SPACA6: variants seen among roughly 807,000 people sequenced by gnomAD.
The protein encoded by SPACA6 is sperm acrosome associated 6.
For synonymous variants in SPACA6, 6 were observed against 1.5 expected (o/e 4.05, Z -2.21); for missense variants, 8 against 2.8 (o/e 2.88, Z -1.34).
Position 51,705,045 on chromosome 19 carries a change from G to A in SPACA6, c.942-45G>A, listed in dbSNP as rs2083507851. 15 of 400,282 alleles carry A rather than the reference G, an allele frequency of 3.7e-5. No individual in the cohort carries two copies. The East Asian group carries it at 5.3e-4, about 14-fold the overall frequency. 24.8% of individuals were successfully genotyped at this position (400,282 alleles called of 1,614,324 possible). On this transcript the variant is annotated intron_variant, in intron 8 of 8. Coordinates refer to ENST00000637797, the MANE Select transcript of SPACA6 (RefSeq NM_001316972.2). ...CCAGGCTCCGGGACCTAAGTTTCTA[G>A]TCACCAACCCCTCCTGTAACACACA...
chr19:51,695,772 G>A (rs1031576338), intron 2 of SPACA6, among the ~76,000 whole-genome samples: 4 of 152,248 alleles, frequency 2.6e-5, no homozygotes, highest in Non-Finnish European at 5.9e-5. Flanking sequence ...AACTTGGAGG[G>A]GAGAGAGAAG....
chr19:51,703,286 C>G lies in SPACA6; in HGVS notation c.522C>G (p.Phe174Leu), dbSNP rs1341801866. The stretch of plus-strand genomic sequence containing the variant: ...CTATGTTTTCTTGCATCGTAAACTT[C>G]CAGCTGCCAAAGGAGGAGATCACCT... ...DQAMFSCIVN[F>L]QLPKEEITYS... Residue 174 changes from phenylalanine (F) to leucine (L), a missense_variant, in exon 6 of 9, where the codon TTC (phenylalanine) becomes TTG (leucine). By Grantham distance (22) the Phe-to-Leu change is conservative (BLOSUM62 0). Coordinates refer to ENST00000637797, the MANE Select transcript of SPACA6 (RefSeq NM_001316972.2). This position sits in a 1 kb window ranked among gnomAD's most constrained non-coding sequence, Gnocchi z 4.2. The G allele has an allele frequency of 1.0e-5, 4 of 399,246 alleles. No individual in the cohort carries two copies. Among genetic ancestry groups the G allele is most frequent in the Admixed American group, 4.4e-5 (1 of 22,718 alleles). The allele number at this position is 399,246 out of a possible 1,614,324, so 24.7% of individuals were successfully genotyped here. A position where few individuals can be genotyped will look rare whatever the true frequency, so the allele number is the denominator to read the frequency against.
downstream of SPACA6, among the ~76,000 whole-genome samples, chr19:51,708,556 G>A (rs2083527093): frequency 6.6e-6 from 1 of 152,150 alleles, no homozygotes; most frequent in Non-Finnish European, 1.5e-5. Flanking sequence ...GCCAGGCGAG[G>A]TGACTCATGC....
chr19:51,686,205 TC>T (rs951436056), upstream of SPACA6: 3 of 152,232 alleles, frequency 2.0e-5, no homozygotes, highest in Non-Finnish European at 2.9e-5. Context: ...TGGTCACTGT[TC>T]CTGGGGGGCT....
chr19:51,689,958 G>A (rs1156390501), upstream of SPACA6, among the ~76,000 whole-genome samples: 1 of 151,236 alleles, frequency 6.6e-6, no homozygotes, highest in Non-Finnish European at 1.5e-5. Flanking sequence ...GGAGGGGAGG[G>A]GGAGGCGCAG....
In SPACA6 at chr19:51,703,810, AATAC is replaced by A. The variant is rs2083489698; in HGVS notation, c.574-216_574-213del. On this transcript the variant is annotated intron_variant, in intron 6 of 8. Coordinates refer to ENST00000637797, the MANE Select transcript of SPACA6 (RefSeq NM_001316972.2). This position sits in a 1 kb window ranked among gnomAD's most constrained non-coding sequence, Gnocchi z 4.2. The stretch of plus-strand genomic sequence containing the variant: ...GAGACCCTGTCTGGAAGAAAAAAAA[AATAC>A]ATAAATAAAAGCAGTTTCTAGGGGT... Among the ~76,000 whole-genome samples the A allele has an allele frequency of 6.6e-6, 1 of 152,058 alleles. No homozygotes were observed. Among genetic ancestry groups the A allele is most frequent in the Non-Finnish European group, 1.5e-5 (1 of 67,984 alleles).
At chr19:51,704,595 CCT>C (rs765231073) in intron 8 of SPACA6, 115 bp downstream of exon 8, 4 of 399,596 alleles carry the variant, frequency 1.0e-5, no homozygotes, top group Admixed American at 4.4e-5. Flanking sequence ...TTCAGTTCCT[CCT>C]CTCTCAGACC....
intron 3 of SPACA6, among the ~76,000 whole-genome samples, chr19:51,701,957 A>T (rs2083471743): frequency 6.6e-6 from 1 of 152,144 alleles, no homozygotes; most frequent in African/African-American, 2.4e-5. Flanking sequence ...TTGTAATCTC[A>T]TCTACTCAGG....
chr19:51,692,774 C>A (rs1272064299), upstream of SPACA6: 1 of 534,452 alleles, frequency 1.9e-6, no homozygotes, highest in Admixed American at 1.9e-5. This position sits in a 1 kb window ranked among gnomAD's most constrained non-coding sequence, Gnocchi z 5.6. Flanking sequence ...GGTCTGTCCA[C>A]CTGCCGCGCC....
rs1280577542 is a variant in SPACA6, at chr19:51,693,419, AC to A, written c.-106del. The A allele has an allele frequency of 4.7e-6, 3 of 636,808 alleles. No individual in the cohort carries two copies. The African/African-American group carries it at 5.4e-5, about 11-fold the overall frequency. 39.4% of individuals were successfully genotyped at this position (636,808 alleles called of 1,614,324 possible). A position where few individuals can be genotyped will look rare whatever the true frequency, so the allele number is the denominator to read the frequency against. On this transcript the variant is annotated 5_prime_UTR_variant, in exon 1 of 9. The change creates a premature stop within an existing upstream ORF in the 5' untranslated region. Transcript: ENST00000637797. ...CCCTTCCTCCAGAGCATGACATTTG[AC>A]CACCAACTGAAACCTGACCTCTGAC...
rs569004792 is a variant in SPACA6, at chr19:51,696,149, A to AG, written c.292+1595dup. On this transcript the variant is annotated intron_variant, in intron 2 of 8. Coordinates refer to ENST00000637797, the MANE Select transcript of SPACA6 (RefSeq NM_001316972.2). Reference sequence around the variant, plus strand: ...GCAGCAGGAGTGTGAGCAGTGAAGAAGTAGGGGCAGCTCTGGGTGTAGAAA... The same window carrying AG: ...GCAGCAGGAGTGTGAGCAGTGAAGAAGGTAGGGGCAGCTCTGGGTGTAGAAA... Among the ~76,000 whole-genome samples the AG allele has an allele frequency of 5.9e-5, 9 of 152,200 alleles. No individual in the cohort carries two copies. In the East Asian group the frequency reaches 1.5e-3, roughly 26 times the overall value.
At chr19:51,685,033 C>T (rs959276718), upstream of SPACA6, among the ~76,000 whole-genome samples, 2 of 152,184 alleles carry the variant, frequency 1.3e-5, no homozygotes, top group African/African-American at 4.8e-5. Flanking sequence ...TTTGATGTTC[C>T]TCATGACCCG....
Position 51,700,120 on chromosome 19 carries a change from G to C in SPACA6, c.293-1538G>C, listed in dbSNP as rs1406291976. The stretch of plus-strand genomic sequence containing the variant: ...AATATAAAAATTCGCCGAGCATGGT[G>C]GTGGGTGCCTGTAATCCTAGCTACT... On this transcript the variant is annotated intron_variant, in intron 2 of 8. Transcript: ENST00000637797. Among the ~76,000 whole-genome samples, 4 of 152,190 alleles carry C rather than the reference G, an allele frequency of 2.6e-5. No individual in the cohort carries two copies. The East Asian group carries it at 7.7e-4, about 29-fold the overall frequency.
chr19:51,704,992 G>GCC (rs1568620871), intron 8 of SPACA6, 98 bp from the exon 9 acceptor site: 1 of 385,230 alleles, frequency 2.6e-6, no homozygotes, highest in African/African-American at 2.3e-5. Flanking sequence ...AGGAGTCCGG[G>GCC]CCCTGTACAC....
downstream of SPACA6, among the ~76,000 whole-genome samples, chr19:51,707,551 C>T (rs950803393): frequency 5.9e-5 from 9 of 152,168 alleles, no homozygotes; most frequent in African/African-American, 2.2e-4. Flanking sequence ...CTCAACATTT[C>T]TGACACTACA....
downstream of SPACA6, among the ~76,000 whole-genome samples, chr19:51,708,902 A>G (rs892557312): frequency 1.3e-5 from 2 of 152,072 alleles, no homozygotes; most frequent in Admixed American, 6.5e-5. Flanking sequence ...AAAAAGGGAA[A>G]AGCCCTGAGG....
intron 2 of SPACA6, among the ~76,000 whole-genome samples, chr19:51,695,068 ACACT>A (rs1449575023): frequency 2.6e-5 from 4 of 152,058 alleles, no homozygotes; most frequent in Admixed American, 6.5e-5. Flanking sequence ...ACATACACTC[ACACT>A]CACACACACA....
At chr19:51,702,313 T>C (rs747960528) in intron 3 of SPACA6, among the ~76,000 whole-genome samples, 6 of 152,114 alleles carry the variant, frequency 3.9e-5, no homozygotes, top group Non-Finnish European at 8.8e-5. Flanking sequence ...GCCCAGGATC[T>C]AGCCCCGCCT....
chr19:51,689,585 G>A (rs1478219765), upstream of SPACA6: 3 of 151,310 alleles, frequency 2.0e-5, no homozygotes, highest in Non-Finnish European at 4.4e-5. Flanking sequence ...CGGGAGCCGT[G>A]AGTCTGCGGA....
Sources: gnomAD v4.1 joint callset for allele counts (sites outside exome capture counted in the v4.1 genomes callset) on GRCh38, gnomAD v4.1.1 for gene constraint, Gnocchi (gnomAD v3.1) non-coding constraint, MANE v1.5 for transcripts, NCBI Gene and HGNC (gene_info 2026-07-23, HGNC 2026-07-21) for gene names.